The following PRKCA variants were observed in gnomAD, a reference collection of about 807,000 sequenced individuals.
PRKCA encodes protein kinase C alpha, also known as protein kinase C alpha type.
Under a neutral mutation model 87.0 loss-of-function variants are expected in PRKCA, and 27 were observed. That is an observed-to-expected ratio of 0.31 (90% CI 0.23 to 0.43). The LOEUF (loss-of-function observed/expected upper bound fraction) is 0.43. Among genes scored for constraint, PRKCA ranks in the 20% least tolerant of loss-of-function variants. The pLI is 1.00. For missense variants in PRKCA, 518 were observed against 852.3 expected (o/e 0.61, Z 4.88); for synonymous variants, 329 against 311.1 (o/e 1.06, Z -0.61).
At chr17:66,427,823 A>G (rs151248529) in intron 2 of PRKCA, among the ~76,000 whole-genome samples, 3 of 152,348 alleles carry the variant, frequency 2.0e-5, no homozygotes, top group Admixed American at 2.0e-4. Flanking sequence ...ATTGGCATAA[A>G]TTAAAAGAAA....
rs1397338554 is a variant in PRKCA at position 66,810,048 on chromosome 17, A to G, written c.*6011A>G. On this transcript the variant is annotated 3_prime_UTR_variant, in exon 17 of 17. Coordinates refer to ENST00000413366, the MANE Select transcript of PRKCA (RefSeq NM_002737.3). ...ACGTGCCTATTGACGTCTGTTTCAT[A>G]GTTACCACTTACGCGAGTAGACAGA... The G allele has an allele frequency of 6.6e-6, 1 of 152,258 alleles. No homozygotes were observed. The highest frequency in any genetic ancestry group is 6.5e-5 in the Admixed American group (1 of 15,286). The allele number at this position is 152,258 out of a possible 1,614,324, so 9.4% of individuals were successfully genotyped here. A position where few individuals can be genotyped will look rare whatever the true frequency, so the allele number is the denominator to read the frequency against.
At chr17:66,640,771 G>GT (rs1971270648) in intron 3 of PRKCA, among the ~76,000 whole-genome samples, 1 of 152,214 alleles carries the variant, frequency 6.6e-6, no homozygotes, top group Non-Finnish European at 1.5e-5. Flanking sequence ...AAGGGCTTTG[G>GT]TGACCATAGC....
chr17:66,417,051 A>G (rs1210466094), intron 2 of PRKCA, among the ~76,000 whole-genome samples: 7 of 151,952 alleles, frequency 4.6e-5, no homozygotes, highest in African/African-American at 1.7e-4. Context: ...GGTGCCCCCT[A>G]CCACGCCCAG....
intron 2 of PRKCA, among the ~76,000 whole-genome samples, chr17:66,492,002 T>C (rs1301600200): frequency 6.6e-6 from 1 of 152,238 alleles, no homozygotes; most frequent in Non-Finnish European, 1.5e-5. Flanking sequence ...TCTACACTTT[T>C]TCTCCTTAGT....
At chr17:66,390,736 C>G (rs1910314119) in intron 2 of PRKCA, among the ~76,000 whole-genome samples, 2 of 152,234 alleles carry the variant, frequency 1.3e-5, no homozygotes, top group South Asian at 2.1e-4. Flanking sequence ...GGCCTCTCCA[C>G]TGTCTGCAAC....
In PRKCA at chr17:66,807,280, A is replaced by G. The variant is rs1976052769; in HGVS notation, c.*3243A>G. 6.6e-6 allele frequency: 1 copy of G among 152,220 alleles called. No homozygotes were observed. Among genetic ancestry groups the G allele is most frequent in the South Asian group, 2.1e-4 (1 of 4,828 alleles). 9.4% of individuals were successfully genotyped at this position (152,220 alleles called of 1,614,324 possible). A position where few individuals can be genotyped will look rare whatever the true frequency, so the allele number is the denominator to read the frequency against. On this transcript the variant is annotated 3_prime_UTR_variant, in exon 17 of 17. Transcript: ENST00000413366. The surrounding 1 kb of genome is among the most constrained non-coding windows in gnomAD (Gnocchi z 4.3). ...CATGGAGCTATGACCACACCAGGCC[A>G]TTCAAATGGCTCTGCATTATCTTCC...
At chr17:66,524,368 A>G (rs1394754985) in intron 3 of PRKCA, among the ~76,000 whole-genome samples, 1 of 152,134 alleles carries the variant, frequency 6.6e-6, no homozygotes, top group Admixed American at 6.5e-5. Flanking sequence ...TTATGCTTTC[A>G]TTTGTTTTTG....
intron 2 of PRKCA, among the ~76,000 whole-genome samples, chr17:66,338,914 T>C (rs1461551606): frequency 1.3e-5 from 2 of 152,176 alleles, no homozygotes; most frequent in Non-Finnish European, 2.9e-5. Context: ...TGTTTCCTGA[T>C]CTTGAGGTCG....
rs773777054 is a variant in PRKCA, at chr17:66,306,105, G to T, written c.183G>T (p.Gly61=). 3 of 1,611,832 alleles carry T rather than the reference G, an allele frequency of 1.9e-6. No individual in the cohort carries two copies. The Admixed American group carries it at 5.0e-5, about 27-fold the overall frequency. The change falls in exon 2 of 17, where the codon GGG becomes GGT. Residue 61 remains glycine, a synonymous_variant. Transcript: ENST00000413366. ...SHCTDFIWGF[G]KQGFQCQVCC... is the part of the protein sequence containing the mutation. ...TGTTTTTGTTTTTCAGGGGGTTTGGGAAACAAGGCTTCCAGTGCCAAGGTA... is the reference window on the plus strand; with the variant it reads ...TGTTTTTGTTTTTCAGGGGGTTTGGTAAACAAGGCTTCCAGTGCCAAGGTA...
intron 2 of PRKCA, among the ~76,000 whole-genome samples, chr17:66,384,957 G>A (rs763310595): frequency 3.3e-5 from 5 of 152,188 alleles, no homozygotes; most frequent in African/African-American, 9.6e-5. Flanking sequence ...GTATGTGTCC[G>A]TAAATGCCTG....
chr17:66,646,687 GA>G (rs1226413731), intron 5 of PRKCA, among the ~76,000 whole-genome samples: 2 of 152,134 alleles, frequency 1.3e-5, no homozygotes, highest in African/African-American at 4.8e-5. Flanking sequence ...GACTTCCAAA[GA>G]AAAGCTTACC....
chr17:66,450,218 C>T (rs1914240796), intron 2 of PRKCA, among the ~76,000 whole-genome samples: 1 of 152,002 alleles, frequency 6.6e-6, no homozygotes, highest in Non-Finnish European at 1.5e-5. Flanking sequence ...GAGAGATGCT[C>T]ATCGGGGGCC....
intron 13 of PRKCA, among the ~76,000 whole-genome samples, chr17:66,770,616 T>G (rs556002647): frequency 6.6e-6 from 1 of 152,178 alleles, no homozygotes; most frequent in Non-Finnish European, 1.5e-5. Context: ...AGTCCTAAAA[T>G]TAATATAGCA....
intron 5 of PRKCA, among the ~76,000 whole-genome samples, chr17:66,675,818 C>T (rs1215862321): frequency 2.6e-5 from 4 of 152,188 alleles, no homozygotes; most frequent in Non-Finnish European, 5.9e-5. Context: ...CATAATAGCC[C>T]CTAGCGATGC....
intron 2 of PRKCA, among the ~76,000 whole-genome samples, chr17:66,326,609 C>T (rs1905997273): frequency 6.6e-6 from 1 of 152,204 alleles, no homozygotes; most frequent in African/African-American, 2.4e-5. Context: ...GCGCAGACAA[C>T]TCAGTAATTG....
At chr17:66,463,468 T>C (rs1213651287) in intron 2 of PRKCA, among the ~76,000 whole-genome samples, 2 of 152,094 alleles carry the variant, frequency 1.3e-5, no homozygotes, top group African/African-American at 4.8e-5. Context: ...TGATCTCGGC[T>C]CACTGCAACC....
chr17:66,627,225 A>T lies in PRKCA; in HGVS notation c.289-14130A>T, dbSNP rs374831060. 1.4e-4 allele frequency among the ~76,000 whole-genome samples: 22 copies of T among 152,316 alleles called. No homozygotes were observed. In the South Asian group the frequency reaches 4.4e-3, roughly 30 times the overall value. ...CTGCCATCCTAAAGGCAAACTTCAA[A>T]ATTTTTTAACAGCTAAGCAAACCAT... On this transcript the variant is annotated intron_variant, in intron 3 of 16. Coordinates refer to ENST00000413366, the MANE Select transcript of PRKCA (RefSeq NM_002737.3).
chr17:66,571,588 A>C (rs996925008), intron 3 of PRKCA, among the ~76,000 whole-genome samples: 5 of 152,234 alleles, frequency 3.3e-5, no homozygotes, highest in Admixed American at 1.3e-4. Context: ...AGGGAAAAAA[A>C]CCCCATGTTT....
At chr17:66,388,134 G>T (rs1282544753) in intron 2 of PRKCA, among the ~76,000 whole-genome samples, 1 of 151,532 alleles carries the variant, frequency 6.6e-6, no homozygotes, top group Non-Finnish European at 1.5e-5. Flanking sequence ...AGTAAGCAGA[G>T]ATCCGTGAGC....
Sources: allele counts gnomAD v4.1 joint callset (sites outside exome capture counted in the v4.1 genomes callset), GRCh38; gene constraint gnomAD v4.1.1; non-coding constraint Gnocchi (gnomAD v3.1); transcripts MANE v1.5; gene names NCBI Gene and HGNC (gene_info 2026-07-23, HGNC 2026-07-21).